NELL2: variants seen among roughly 807,000 people sequenced by gnomAD.
NELL2 encodes the protein neural EGFL like 2, also known as protein kinase C-binding protein NELL2.
Under a neutral mutation model 109.6 loss-of-function variants are expected in NELL2, and 41 were observed. The observed-to-expected ratio is 0.37, with a 90% confidence interval of 0.29 to 0.49. The LOEUF is 0.49. NELL2 is among the 20% of genes least tolerant of loss of function. NELL2 has a pLI of 0.98. For synonymous variants in NELL2, 355 were observed against 344.7 expected (o/e 1.03, Z -0.33); for missense variants, 900 against 1,008.3 (o/e 0.89, Z 1.45).
chr12:44,565,174 C>A (rs548531302), intron 15 of NELL2, among the ~76,000 whole-genome samples: 4 of 152,232 alleles, frequency 2.6e-5, no homozygotes, highest in African/African-American at 9.6e-5. Flanking sequence ...TTAGAACATT[C>A]TTCCTCAGAT....
chr12:44,624,996 GTATATATATATA>G (rs3072882), intron 13 of NELL2, among the ~76,000 whole-genome samples: 15 of 71,126 alleles, frequency 2.1e-4, no homozygotes, highest in African/African-American at 7.7e-4. Context: ...ATATGTGTGT[GTATATATATATA>G]TATATATATA....
upstream of NELL2, among the ~76,000 whole-genome samples, chr12:44,917,819 CAAG>C (rs1945839767): frequency 6.6e-6 from 1 of 152,160 alleles, no homozygotes; most frequent in Admixed American, 6.5e-5. Flanking sequence ...GCTCATGTGG[CAAG>C]TAACTAAATG....
chr12:44,748,483 A>G (rs1940498850), intron 9 of NELL2, among the ~76,000 whole-genome samples: 1 of 152,178 alleles, frequency 6.6e-6, no homozygotes, highest in South Asian at 2.1e-4. Context: ...AGACTTTGTT[A>G]TATGTTAACA....
chr12:44,549,989 A>T (rs1942964503), intron 15 of NELL2, among the ~76,000 whole-genome samples: 1 of 152,200 alleles, frequency 6.6e-6, no homozygotes, highest in Non-Finnish European at 1.5e-5. Flanking sequence ...TCTGATTTGA[A>T]ATTCTATTAC....
intron 9 of NELL2, among the ~76,000 whole-genome samples, chr12:44,748,009 A>G (rs1227549172): frequency 1.3e-5 from 2 of 152,170 alleles, no homozygotes. Flanking sequence ...TAATCAATAC[A>G]TCATACTGTC....
rs564240312 is a variant in NELL2 at position 44,875,000 on chromosome 12, C to A, written c.184+225G>T. The A allele has an allele frequency of 7.8e-6, 4 of 513,836 alleles. No homozygotes were observed. In the East Asian group the frequency reaches 1.3e-4, roughly 16 times the overall value. 31.8% of individuals were successfully genotyped at this position (513,836 alleles called of 1,614,324 possible). On this transcript the variant is annotated intron_variant, in intron 2 of 19. Transcript: ENST00000429094. ...TCTGCTCAGTAATTAAGGGACTATC[C>A]ATTAGAACTGGCAAGAGTACAAAGT...
chr12:44,702,433 A>AT (rs1019914989), intron 12 of NELL2, among the ~76,000 whole-genome samples: 48 of 152,312 alleles, frequency 3.2e-4, no homozygotes, highest in African/African-American at 1.0e-3. Flanking sequence ...GCAGCTCAAA[A>AT]TTTAAAAAAA....
At chr12:44,783,624 C>T (rs1175583092) in intron 3 of NELL2, among the ~76,000 whole-genome samples, 1 of 151,838 alleles carries the variant, frequency 6.6e-6, no homozygotes, top group African/African-American at 2.4e-5. Context: ...ACACAACTTA[C>T]AGAATATGAA....
intron 13 of NELL2, among the ~76,000 whole-genome samples, chr12:44,640,605 A>G (rs1946819366): frequency 6.6e-6 from 1 of 151,978 alleles, no homozygotes; most frequent in Admixed American, 6.6e-5. Flanking sequence ...TTCAGTTGCT[A>G]TTTTTGGAAC....
chr12:44,914,509 T>C (rs148543957), upstream of NELL2, among the ~76,000 whole-genome samples: 266 of 152,344 alleles, frequency 1.7e-3, 1 homozygote, highest in African/African-American at 5.8e-3. Flanking sequence ...TCACATTTTC[T>C]AGTGCCTCTT....
Position 44,574,604 on chromosome 12 carries a change from CA to C in NELL2, c.1663+32564del, listed in dbSNP as rs374370065. On this transcript the variant is annotated intron_variant, in intron 15 of 19. Transcript: ENST00000429094. ...TTAAATGGAGTTTGGAGTGATAAAG[CA>C]AAAAAAAAGAAACCCACTTAGTCTT... 3.7e-3 allele frequency among the ~76,000 whole-genome samples: 548 copies of C among 148,056 alleles called. 1 individual carries two copies. The highest frequency in any genetic ancestry group is 0.012 in the African/African-American group (492 of 40,370).
At chr12:44,709,114 A>C (rs549448346) in intron 11 of NELL2, among the ~76,000 whole-genome samples, 2 of 152,148 alleles carry the variant, frequency 1.3e-5, no homozygotes, top group Non-Finnish European at 2.9e-5. Context: ...ATTTCTGTAT[A>C]GCCCTTGGAC....
At chr12:44,620,158 A>G (rs1344355285) in intron 13 of NELL2, among the ~76,000 whole-genome samples, 1 of 150,820 alleles carries the variant, frequency 6.6e-6, no homozygotes, top group Non-Finnish European at 1.5e-5. Flanking sequence ...AGAAGATAGA[A>G]GTAAAAAGTC....
At chr12:44,612,509 G>A (rs1275553053) in intron 13 of NELL2, among the ~76,000 whole-genome samples, 1 of 151,618 alleles carries the variant, frequency 6.6e-6, no homozygotes, top group African/African-American at 2.4e-5. Context: ...ACATTTCATA[G>A]TTTTTATAAA....
intron 2 of NELL2, among the ~76,000 whole-genome samples, chr12:44,819,906 T>G (rs559527604): frequency 6.6e-6 from 1 of 152,240 alleles, no homozygotes; most frequent in African/African-American, 2.4e-5. Context: ...AAAATGGGCT[T>G]GCATGAGCCT....
At chr12:44,579,351 C>T (rs1944240952) in intron 15 of NELL2, among the ~76,000 whole-genome samples, 1 of 152,202 alleles carries the variant, frequency 6.6e-6, no homozygotes. Context: ...AGTTTTGAAT[C>T]TGTTCAAAGG....
chr12:44,695,691 T>C (rs1288555785), intron 12 of NELL2, among the ~76,000 whole-genome samples: 1 of 152,162 alleles, frequency 6.6e-6, no homozygotes, highest in African/African-American at 2.4e-5. Flanking sequence ...TAAATGATTT[T>C]GAAGGAGTCA....
At position 44,876,143 on chromosome 12, in the gene NELL2, G is replaced by GGACTCGCCCCGGCGCGGCTCC. The variant is rs1172884948; in HGVS notation, c.-295_-275dup. Reference sequence around the variant, plus strand: ...CGGAGGGGGCCCGGAGGGAGGGGTCGGACTCGCCCCGGCGCGGCTCCGTCG... The same window carrying GGACTCGCCCCGGCGCGGCTCC: ...CGGAGGGGGCCCGGAGGGAGGGGTCGGACTCGCCCCGGCGCGGCTCCGACTCGCCCCGGCGCGGCTCCGTCG... On this transcript the variant is annotated 5_prime_UTR_variant, in exon 1 of 20. Transcript: ENST00000429094. The GGACTCGCCCCGGCGCGGCTCC allele has an allele frequency of 1.6e-6, 2 of 1,278,980 alleles. No homozygotes were observed. The highest frequency in any genetic ancestry group is 2.0e-6 in the Non-Finnish European group (2 of 1,011,536). 79.2% of individuals were successfully genotyped at this position (1,278,980 alleles called of 1,614,324 possible). A position where few individuals can be genotyped will look rare whatever the true frequency, so the allele number is the denominator to read the frequency against.
intron 16 of NELL2, among the ~76,000 whole-genome samples, chr12:44,532,217 A>G (rs1942097031): frequency 6.6e-6 from 1 of 151,566 alleles, no homozygotes; most frequent in Non-Finnish European, 1.5e-5. Flanking sequence ...CTCTATCCCC[A>G]TTTTCCCTCT....
Sources: allele counts gnomAD v4.1 joint callset (sites outside exome capture counted in the v4.1 genomes callset), GRCh38; gene constraint gnomAD v4.1.1; transcripts MANE v1.5; gene names NCBI Gene and HGNC (gene_info 2026-07-23, HGNC 2026-07-21).